Variants in CTSA observed in about 807,000 individuals in gnomAD.
The protein encoded by CTSA is cathepsin A.
CTSA carries 42 observed loss-of-function variants against 66.7 expected under a neutral mutation model. That is an observed-to-expected ratio of 0.63 (90% confidence interval 0.49 to 0.81). The LOEUF is 0.81. Ranked by LOEUF, CTSA falls within the 40% of genes least tolerant of loss-of-function variation. The pLI, the probability that CTSA is intolerant of heterozygous loss-of-function variation, is 0.00. For missense variants in CTSA, 525 were observed against 610.9 expected, an observed-to-expected ratio of 0.86 and a Z score of 1.48; for synonymous variants, 225 against 248.6, an observed-to-expected ratio of 0.91 and a Z score of 0.89.
Position 45,894,727 on chromosome 20 carries a change from G to A in CTSA, c.855G>A (p.Val285=), listed in dbSNP as rs147628590. 5.0e-5 allele frequency: 80 copies of A among 1,613,956 alleles called. No homozygotes were observed. The highest frequency in any genetic ancestry group is 6.6e-5 in the Non-Finnish European group (78 of 1,179,992). The part of the protein sequence containing the change: ...YNLYAPCAGG[V]PSHFRYEKDT... ...TCTATGCCCCGTGTGCTGGAGGGGT[G>A]CCCAGCCATTTTAGGTAGGTGCTGC... The change falls in exon 9 of 15, where the codon GTG becomes GTA. Residue 285 remains valine, a synonymous_variant. Coordinates refer to ENST00000646241, the MANE Select transcript of CTSA (RefSeq NM_000308.4).
In CTSA at chr20:45,891,861, A is replaced by G; in HGVS notation, c.195-55A>G. 1 of 1,605,826 alleles carries G rather than the reference A, an allele frequency of 6.2e-7. No homozygotes were observed. Among genetic ancestry groups the G allele is most frequent in the Non-Finnish European group, 8.5e-7 (1 of 1,172,640 alleles). ...CCCCTGAGGATGCCTGGGAGCCGGG[A>G]GGGCTGGAAAGGGCCCCTCCAACTG... is the stretch of plus-strand genomic sequence containing the variant. On this transcript the variant is annotated intron_variant, in intron 2 of 14. Transcript: ENST00000646241. This position sits in a 1 kb window ranked among gnomAD's most constrained non-coding sequence, Gnocchi z 4.6.
intron 11 of CTSA, 131 bp from the exon 12 acceptor site, chr20:45,896,834 C>G (rs199636177): frequency 3.8e-5 from 28 of 727,534 alleles, no homozygotes; most frequent in East Asian, 2.7e-4. Context: ...GGCCCCCCCC[C>G]AAAAAGGGGA....
chr20:45,891,949 C>G lies in CTSA; in HGVS notation c.228C>G (p.Ser76Arg). ...AGTCCCAGAAGGATCCCGAGAACAGCCCTGTGGTGCTTTGGCTCAATGGGG... is the reference window on the plus strand; with the variant it reads ...AGTCCCAGAAGGATCCCGAGAACAGGCCTGTGGTGCTTTGGCTCAATGGGG... ...FVESQKDPEN[S>R]PVVLWLNGGP... Residue 76 changes from serine to arginine, a missense_variant, in exon 3 of 15, where the codon AGC (serine) becomes AGG (arginine). Physicochemically the swap from Ser to Arg is moderately radical, Grantham distance 110. Transcript: ENST00000646241. This position sits in a 1 kb window ranked among gnomAD's most constrained non-coding sequence, Gnocchi z 4.6. 1 of 1,614,180 alleles carries G rather than the reference C, an allele frequency of 6.2e-7. No individual in the cohort carries two copies. The highest frequency in any genetic ancestry group is 8.5e-7 in the Non-Finnish European group (1 of 1,180,016).
chr20:45,893,713 G>C (rs1345235147), intron 7 of CTSA, among the ~76,000 whole-genome samples: 1 of 151,982 alleles, frequency 6.6e-6, no homozygotes, highest in African/African-American at 2.4e-5. Context: ...TGAACTCCTG[G>C]CCTCAAATGA....
chr20:45,896,556 C>G (rs2083108602), intron 11 of CTSA: 1 of 271,352 alleles, frequency 3.7e-6, no homozygotes, highest in Admixed American at 5.0e-5. Flanking sequence ...CCTCAGCCTT[C>G]TGAGTAGCTG....
Position 45,891,677 on chromosome 20 carries a change from C to G in CTSA, c.109C>G (p.Arg37Gly), listed in dbSNP as rs766204578. The G allele has an allele frequency of 1.2e-6, 2 of 1,613,072 alleles. No individual in the cohort carries two copies. Among genetic ancestry groups the G allele is most frequent in the East Asian group, 2.2e-5 (1 of 44,876 alleles). Residue 37 changes from arginine to glycine, a missense_variant, in exon 2 of 15, where the codon CGC (arginine) becomes GGC (glycine). Transcript: ENST00000646241. This position sits in a 1 kb window ranked among gnomAD's most constrained non-coding sequence, Gnocchi z 4.6. ...EAAPDQDEIQ[R>G]LPGLAKQPSF... is the part of the protein sequence containing the mutation. ...AGCCCCCGACCAGGACGAGATCCAG[C>G]GCCTCCCCGGGCTGGCCAAGCAGCC... is the stretch of plus-strand genomic sequence containing the variant.
rs1351027122 is a variant in CTSA at position 45,891,505 on chromosome 20, C to T, written c.1-64C>T. 6 of 1,555,026 alleles carry T rather than the reference C, an allele frequency of 3.9e-6. No individual in the cohort carries two copies. Among genetic ancestry groups the T allele is most frequent in the Non-Finnish European group, 5.2e-6 (6 of 1,151,888 alleles). Reference sequence around the variant, plus strand: ...CTCGCGGAGGCGCCGCCAGCAACTCCCCGGGGGCTGCTGCACGGAAGCGCT... The same window carrying T: ...CTCGCGGAGGCGCCGCCAGCAACTCTCCGGGGGCTGCTGCACGGAAGCGCT... On this transcript the variant is annotated intron_variant, in intron 1 of 14. Coordinates refer to ENST00000646241, the MANE Select transcript of CTSA (RefSeq NM_000308.4). This position sits in a 1 kb window ranked among gnomAD's most constrained non-coding sequence, Gnocchi z 4.6.
Position 45,893,218 on chromosome 20 carries a change from A to C in CTSA, c.601-2A>C. ...GAGCTGAGCACCCTGGGTGTTTCAC[A>C]GGGGCTGGCTGTGGGCAATGGACTC... is the stretch of plus-strand genomic sequence containing the variant. On this transcript the variant is annotated splice_acceptor_variant, in intron 6 of 14. Coordinates refer to ENST00000646241, the MANE Select transcript of CTSA (RefSeq NM_000308.4). LOFTEE classifies it high-confidence loss of function. 1 of 1,613,690 alleles carries C rather than the reference A, an allele frequency of 6.2e-7. No individual in the cohort carries two copies. Among genetic ancestry groups the C allele is most frequent in the Non-Finnish European group, 8.5e-7 (1 of 1,179,602 alleles).
intron 12 of CTSA, chr20:45,897,486 G>C (rs1285524241): frequency 3.7e-6 from 2 of 537,056 alleles, no homozygotes; most frequent in East Asian, 6.8e-5. Flanking sequence ...TTAAATATGA[G>C]CCTCAGGTTC....
rs775511016 is a variant in CTSA at position 45,895,165 on chromosome 20, T to TGGTG, written c.1088+36_1088+39dup. 7 of 1,613,586 alleles carry TGGTG rather than the reference T, an allele frequency of 4.3e-6. No homozygotes were observed. In the South Asian group the frequency reaches 7.7e-5, roughly 18 times the overall value. ...TTCCGTGGCCACCTGTGACTTGGGG[T>TGGTG]GGTGGGTTGCTGGGGCTTGTGGGCA... On this transcript the variant is annotated intron_variant, in intron 11 of 14. Coordinates refer to ENST00000646241, the MANE Select transcript of CTSA (RefSeq NM_000308.4).
Position 45,897,948 on chromosome 20 carries a change from G to A in CTSA, c.1255-57G>A, listed in dbSNP as rs11569662. The A allele has an allele frequency of 0.011, 17,897 of 1,587,868 alleles. 666 individuals are homozygous for A. Among genetic ancestry groups the A allele is most frequent in the East Asian group, 0.11 (4,748 of 44,700 alleles). On this transcript the variant is annotated intron_variant, in intron 13 of 14. Transcript: ENST00000646241. ...GAATTCCCAGCCCTAAGGTCTTGCT[G>A]GTAGCTGTGAGCAAGGATGCAGCTG...
intron 9 of CTSA, 31 bp downstream of exon 9, chr20:45,894,772 C>A (rs200665534): frequency 3.3e-5 from 53 of 1,609,120 alleles, no homozygotes; most frequent in Non-Finnish European, 4.1e-5. Flanking sequence ...CTGGAGCCAA[C>A]CCCAGCCCCA....
At chr20:45,894,581 G>T (rs917769500) in intron 8 of CTSA, 69 bp from the exon 9 acceptor site, 31 of 1,378,818 alleles carry the variant, frequency 2.2e-5, no homozygotes, top group Non-Finnish European at 3.0e-5. Context: ...GTAAATCTTG[G>T]GACAACTTGG....
Position 45,898,735 on chromosome 20 carries a change from C to A in CTSA, c.*285C>A, listed in dbSNP as rs961023088. On this transcript the variant is annotated 3_prime_UTR_variant, in exon 15 of 15. Coordinates refer to ENST00000646241, the MANE Select transcript of CTSA (RefSeq NM_000308.4). The surrounding 1 kb of genome is among the most constrained non-coding windows in gnomAD (Gnocchi z 4.6). ...CACTGATTCCATCCCAGGAACCCAA[C>A]AGAGCTCAGGACAGCCCACAGGGAG... The A allele has an allele frequency of 2.9e-6, 2 of 695,290 alleles. No homozygotes were observed. Among genetic ancestry groups the A allele is most frequent in the South Asian group, 1.9e-5 (1 of 54,014 alleles). The allele number at this position is 695,290 out of a possible 1,614,324, so 43.1% of individuals were successfully genotyped here. A position where few individuals can be genotyped will look rare whatever the true frequency, so the allele number is the denominator to read the frequency against.
chr20:45,898,813 G>T lies in CTSA; in HGVS notation c.*363G>T. On this transcript the variant is annotated 3_prime_UTR_variant, in exon 15 of 15. Transcript: ENST00000646241. The surrounding 1 kb of genome is among the most constrained non-coding windows in gnomAD (Gnocchi z 4.6). ...TGATTATGGAATTAAATTGGGTACA[G>T]CTTCAAATCCCGTCTTCTCTGTGGC... 9.2e-7 allele frequency: 1 copy of T among 1,089,618 alleles called. No individual in the cohort carries two copies. The highest frequency in any genetic ancestry group is 1.3e-6 in the Non-Finnish European group (1 of 763,734). 67.5% of individuals were successfully genotyped at this position (1,089,618 alleles called of 1,614,324 possible). A position where few individuals can be genotyped will look rare whatever the true frequency, so the allele number is the denominator to read the frequency against.
At chr20:45,892,163 G>A (rs897114750) in intron 3 of CTSA, 110 bp from the exon 4 acceptor site, 89 of 1,442,330 alleles carry the variant, frequency 6.2e-5, no homozygotes, top group Admixed American at 3.2e-4. Context: ...TGGCTTTGCT[G>A]CCTGTACCTC....
rs1249001202 is a variant in CTSA at position 45,898,402 on chromosome 20, C to T, written c.1395C>T (p.Leu465=). 20 of 1,613,932 alleles carry T rather than the reference C, an allele frequency of 1.2e-5. 2 individuals are homozygous for T. Among genetic ancestry groups the T allele is most frequent in the South Asian group, 9.9e-5 (9 of 91,078 alleles). Residue 465 remains leucine (L), a synonymous_variant, in exon 15 of 15, where the codon CTC becomes CTT. Coordinates refer to ENST00000646241, the MANE Select transcript of CTSA (RefSeq NM_000308.4). The surrounding 1 kb of genome is among the most constrained non-coding windows in gnomAD (Gnocchi z 4.6). ...ACATGGTTCCCACCGACAAGCCCCTCGCTGCCTTCACCATGTTCTCCCGCT... is the reference window on the plus strand; with the variant it reads ...ACATGGTTCCCACCGACAAGCCCCTTGCTGCCTTCACCATGTTCTCCCGCT... The part of the protein sequence containing the change: ...AGHMVPTDKP[L]AAFTMFSRFL...
rs763119805 is a variant in CTSA at position 45,892,253 on chromosome 20, G to A, written c.307-20G>A. Reference sequence around the variant, plus strand: ...CCAGCTGGCCCTTGGGACTTACTCAGCCATCTCTTTCCTCCTCAGGTCCAG... The same window carrying A: ...CCAGCTGGCCCTTGGGACTTACTCAACCATCTCTTTCCTCCTCAGGTCCAG... On this transcript the variant is annotated intron_variant, in intron 3 of 14. Coordinates refer to ENST00000646241, the MANE Select transcript of CTSA (RefSeq NM_000308.4). The A allele has an allele frequency of 3.1e-6, 5 of 1,613,546 alleles. No homozygotes were observed. The highest frequency in any genetic ancestry group is 3.3e-5 in the Admixed American group (2 of 60,020).
intron 11 of CTSA, chr20:45,896,249 C>CCA (rs1555833338): frequency 0.019 from 2,857 of 152,474 alleles, 111 homozygotes; most frequent in African/African-American, 0.067. Context: ...TGGCCACCCC[C>CCA]CCCCACAACC....
Sources: allele counts gnomAD v4.1 joint callset (sites outside exome capture counted in the v4.1 genomes callset), GRCh38; gene constraint gnomAD v4.1.1; non-coding constraint Gnocchi (gnomAD v3.1); transcripts MANE v1.5; gene names NCBI Gene and HGNC (gene_info 2026-07-23, HGNC 2026-07-21).